The following CHMP4C variants were observed in gnomAD, a reference collection of about 807,000 sequenced individuals.
The protein encoded by CHMP4C is SNF7 homolog associated with Alix 3.
Under a neutral mutation model 29.0 loss-of-function variants are expected in CHMP4C, and 28 were observed. The observed-to-expected ratio is 0.97, with a 90% CI of 0.72 to 1.32. The LOEUF (loss-of-function observed/expected upper bound fraction) is 1.32. Among genes scored for constraint, CHMP4C ranks in the 40% most tolerant of loss-of-function variants. The probability of loss-of-function intolerance (pLI) is 0.00; values close to 1 mark genes in which losing one functional copy is unlikely to be tolerated. For synonymous variants in CHMP4C, 106 were observed against 102.4 expected, an observed-to-expected ratio of 1.04 and a Z score of -0.21; for missense variants, 291 against 281.0, an observed-to-expected ratio of 1.04 and a Z score of -0.25.
chr8:81,739,418 T>TGGCG (rs1554592450), intron 1 of CHMP4C, among the ~76,000 whole-genome samples: 3 of 93,578 alleles, frequency 3.2e-5, no homozygotes, highest in East Asian at 4.4e-4. Context: ...TGGGGGATTG[T>TGGCG]GGGGGGGGGT....
rs143072290 is a variant in CHMP4C at position 81,734,406 on chromosome 8, C to T, written c.190+1590C>T. ...AGTGCAATGGCGCGATCTTGGCTCA[C>T]CGCAACCTCTGCCGCCCAGGTTCAA... On this transcript the variant is annotated intron_variant, in intron 1 of 4. Transcript: ENST00000297265. 4.2e-3 allele frequency among the ~76,000 whole-genome samples: 634 copies of T among 152,316 alleles called. 7 individuals carry two copies. Among genetic ancestry groups the T allele is most frequent in the African/African-American group, 0.015 (617 of 41,564 alleles).
Position 81,753,186 on chromosome 8 carries a change from G to C in CHMP4C, c.313G>C (p.Val105Leu), listed in dbSNP as rs147304043. 632 of 1,611,364 alleles carry C rather than the reference G, an allele frequency of 3.9e-4. No homozygotes were observed. The highest frequency in any genetic ancestry group is 3.3e-4 in the Middle Eastern group (2 of 6,050). Residue 105 changes from valine (V) to leucine (L), a missense_variant, in exon 2 of 5, where the codon GTG becomes CTG. Transcript: ENST00000297265. ...GGAGAACTCACACACCAACACTGAG[G>C]TGTTGAGGAACATGGGCTTTGCAGC... Reference protein sequence around the residue: ...ALENSHTNTEVLRNMGFAAKA... With the variant: ...ALENSHTNTELLRNMGFAAKA...
Position 81,753,233 on chromosome 8 carries a change from T to C in CHMP4C, c.360T>C (p.His120=), listed in dbSNP as rs1289508167. ...CAGCAAAAGCGATGAAATCTGTTCATGAAAACATGTGAGTGACTCTGGTCT... is the reference window on the plus strand; with the variant it reads ...CAGCAAAAGCGATGAAATCTGTTCACGAAAACATGTGAGTGACTCTGGTCT... The part of the protein sequence containing the change: ...GFAAKAMKSV[H]ENMDLNKIDD... Residue 120 remains histidine, a synonymous_variant, in exon 2 of 5, where the codon CAT becomes CAC. Coordinates refer to ENST00000297265, the MANE Select transcript of CHMP4C (RefSeq NM_152284.4). The C allele has an allele frequency of 6.2e-7, 1 of 1,600,750 alleles. No individual in the cohort carries two copies. The highest frequency in any genetic ancestry group is 8.5e-7 in the Non-Finnish European group (1 of 1,173,862).
At chr8:81,735,609 T>A (rs981672325) in intron 1 of CHMP4C, among the ~76,000 whole-genome samples, 2 of 152,162 alleles carry the variant, frequency 1.3e-5, no homozygotes, top group Non-Finnish European at 2.9e-5. Context: ...TTATTAGAGA[T>A]GGTTGGTCAG....
At chr8:81,751,255 T>A (rs1808899483) in intron 1 of CHMP4C, among the ~76,000 whole-genome samples, 1 of 151,996 alleles carries the variant, frequency 6.6e-6, no homozygotes, top group Non-Finnish European at 1.5e-5. Flanking sequence ...CAAGAAGCAA[T>A]AGTAAGAAAT....
chr8:81,741,827 C>G (rs1035301953), intron 1 of CHMP4C, among the ~76,000 whole-genome samples: 1 of 152,106 alleles, frequency 6.6e-6, no homozygotes, highest in African/African-American at 2.4e-5. Flanking sequence ...GTTTCTCCTA[C>G]CTTTTCTGCT....
chr8:81,739,307 G>A (rs1401418331), intron 1 of CHMP4C, among the ~76,000 whole-genome samples: 1 of 145,718 alleles, frequency 6.9e-6, no homozygotes, highest in East Asian at 2.1e-4. Flanking sequence ...CCCTGTGTCA[G>A]ACTTATCCAG....
chr8:81,741,036 C>T (rs764398523), intron 1 of CHMP4C, among the ~76,000 whole-genome samples: 2 of 152,158 alleles, frequency 1.3e-5, no homozygotes, highest in Non-Finnish European at 2.9e-5. Context: ...TCTTCTAACT[C>T]GTCAGAAACT....
chr8:81,748,017 A>G lies in CHMP4C; in HGVS notation c.191-5047A>G, dbSNP rs28432822. Among the ~76,000 whole-genome samples, 1,471 of 152,200 alleles carry G rather than the reference A, an allele frequency of 9.7e-3. 24 individuals are homozygous for G. Among genetic ancestry groups the G allele is most frequent in the African/African-American group, 0.033 (1,389 of 41,526 alleles). On this transcript the variant is annotated intron_variant, in intron 1 of 4. Transcript: ENST00000297265. Reference sequence around the variant, plus strand: ...CTCACCTCTGCAATCTCGACCATAAAAGACAGGTACGCCCCGGGGCGGCCA... The same window carrying G: ...CTCACCTCTGCAATCTCGACCATAAGAGACAGGTACGCCCCGGGGCGGCCA...
At chr8:81,750,964 G>T (rs1808894694) in intron 1 of CHMP4C, among the ~76,000 whole-genome samples, 1 of 152,038 alleles carries the variant, frequency 6.6e-6, no homozygotes, top group Non-Finnish European at 1.5e-5. Context: ...TTTTGGAGAG[G>T]AAACAAGAAA....
chr8:81,744,413 T>G (rs1808798631), intron 1 of CHMP4C, among the ~76,000 whole-genome samples: 1 of 152,218 alleles, frequency 6.6e-6, no homozygotes, highest in Admixed American at 6.5e-5. Context: ...AGTATACATA[T>G]AGACAGTCAC....
chr8:81,758,529 A>G lies in CHMP4C; in HGVS notation c.687A>G (p.Ala229=), dbSNP rs1157723824. ...EEEDDDIKQL[A]AWAT ...AGGATGATGATATCAAACAATTGGC[A>G]GCTTGGGCTACCTAAACTAAAACAC... is the stretch of plus-strand genomic sequence containing the variant. Residue 229 remains alanine (A), a synonymous_variant, in exon 5 of 5, where the codon GCA becomes GCG. Coordinates refer to ENST00000297265, the MANE Select transcript of CHMP4C (RefSeq NM_152284.4). 2 of 1,611,548 alleles carry G rather than the reference A, an allele frequency of 1.2e-6. No homozygotes were observed. The highest frequency in any genetic ancestry group is 1.7e-5 in the Admixed American group (1 of 59,976).
At chr8:81,757,660 G>A (rs1423288728) in intron 3 of CHMP4C, among the ~76,000 whole-genome samples, 1 of 152,080 alleles carries the variant, frequency 6.6e-6, no homozygotes, top group African/African-American at 2.4e-5. Context: ...AATTTATATT[G>A]GCTTTGGTGA....
chr8:81,753,629 G>A (rs1478083063), intron 2 of CHMP4C, among the ~76,000 whole-genome samples: 1 of 152,058 alleles, frequency 6.6e-6, no homozygotes, highest in African/African-American at 2.4e-5. Flanking sequence ...GAACACAGAT[G>A]CCCAGGCTAC....
At chr8:81,756,422 A>G (rs1010700242) in intron 3 of CHMP4C, among the ~76,000 whole-genome samples, 2 of 152,228 alleles carry the variant, frequency 1.3e-5, no homozygotes, top group Non-Finnish European at 2.9e-5. Flanking sequence ...TCAACTCCTG[A>G]TGTAGACTAG....
At chr8:81,756,443 G>A (rs1565314) in intron 3 of CHMP4C, among the ~76,000 whole-genome samples, 92,306 of 152,030 alleles carry the variant, frequency 0.61, 28,090 homozygotes, top group African/African-American at 0.67. Flanking sequence ...TAAGCATCTA[G>A]TGAGTACATT....
At chr8:81,733,063 C>G (rs1343131099) in intron 1 of CHMP4C, among the ~76,000 whole-genome samples, 1 of 152,050 alleles carries the variant, frequency 6.6e-6, no homozygotes, top group African/African-American at 2.4e-5. Flanking sequence ...AATGCAATAC[C>G]TAAAGGACTC....
intron 1 of CHMP4C, among the ~76,000 whole-genome samples, chr8:81,736,673 A>G (rs76989327): frequency 1.3e-5 from 2 of 152,172 alleles, no homozygotes; most frequent in African/African-American, 4.8e-5. Context: ...CTAATAGGGC[A>G]CAGCACCTGC....
chr8:81,740,088 T>A (rs568351133), intron 1 of CHMP4C, among the ~76,000 whole-genome samples: 8 of 152,200 alleles, frequency 5.3e-5, no homozygotes, highest in Non-Finnish European at 1.2e-4. Flanking sequence ...CAGCCTCTAT[T>A]GTTGTTGTAG....
Sources: allele counts gnomAD v4.1 joint callset (sites outside exome capture counted in the v4.1 genomes callset), GRCh38; gene constraint gnomAD v4.1.1; transcripts MANE v1.5; gene names NCBI Gene and HGNC (gene_info 2026-07-23, HGNC 2026-07-21).